RPS6KC1: variants seen among roughly 807,000 people sequenced by gnomAD.
RPS6KC1 encodes ribosomal protein S6 kinase C1.
Under a neutral mutation model 103.8 loss-of-function variants are expected in RPS6KC1, and 54 were observed. That is an observed-to-expected ratio of 0.52 (90% CI 0.42 to 0.65). The LOEUF is 0.65. Ranked by LOEUF, RPS6KC1 falls within the 30% of genes least tolerant of loss-of-function variation. RPS6KC1 has a pLI of 0.00. For missense variants in RPS6KC1, 1,151 were observed against 1,253.8 expected (o/e 0.92, Z 1.24); for synonymous variants, 439 against 438.7 (o/e 1.00, Z -0.01).
chr1:213,708,449 G>GC, the RPS6KC1 span, among the ~76,000 whole-genome samples: 1 of 152,142 alleles, frequency 6.6e-6, no homozygotes, highest in Non-Finnish European at 1.5e-5. Context: ...GAGACGATGG[G>GC]TTTTTCTAAA....
the RPS6KC1 span, among the ~76,000 whole-genome samples, chr1:213,421,155 G>A: frequency 3.3e-5 from 5 of 152,120 alleles, no homozygotes; most frequent in Admixed American, 6.6e-5. Flanking sequence ...CAGAGTTTCC[G>A]TCTTGTTGGA....
At chr1:213,803,499 G>A in the RPS6KC1 span, among the ~76,000 whole-genome samples, 89 of 152,066 alleles carry the variant, frequency 5.9e-4, no homozygotes, top group African/African-American at 1.8e-3. Flanking sequence ...CGCCCGCCTC[G>A]GCCTCCCAAA....
chr1:213,158,009 G>A (rs1015481607), intron 6 of RPS6KC1, among the ~76,000 whole-genome samples: 1 of 151,926 alleles, frequency 6.6e-6, no homozygotes, highest in Non-Finnish European at 1.5e-5. Context: ...TTTTTGCACG[G>A]TATGTTTCCA....
the RPS6KC1 span, among the ~76,000 whole-genome samples, chr1:213,705,560 C>A: frequency 2.0e-5 from 3 of 152,258 alleles, no homozygotes; most frequent in Non-Finnish European, 1.5e-5. Flanking sequence ...GGAATGCCAT[C>A]CAAGAGCCAA....
the RPS6KC1 span, among the ~76,000 whole-genome samples, chr1:213,781,769 G>A: frequency 1.3e-5 from 2 of 152,168 alleles, no homozygotes; most frequent in Non-Finnish European, 2.9e-5. Flanking sequence ...TCTTAGTTGA[G>A]GTGTGGTCAG....
chr1:213,180,865 G>A (rs1475220723), intron 8 of RPS6KC1, among the ~76,000 whole-genome samples: 2 of 152,198 alleles, frequency 1.3e-5, no homozygotes, highest in Admixed American at 6.5e-5. Context: ...TAGTTTGGTA[G>A]TAGAATGCCC....
intron 6 of RPS6KC1, among the ~76,000 whole-genome samples, chr1:213,143,473 A>G (rs965469761): frequency 6.6e-6 from 1 of 151,470 alleles, no homozygotes; most frequent in African/African-American, 2.4e-5. Flanking sequence ...TTCCTTTCTC[A>G]TTCTACTTAC....
At chr1:213,284,206 G>A in the RPS6KC1 span, among the ~76,000 whole-genome samples, 6 of 152,310 alleles carry the variant, frequency 3.9e-5, no homozygotes, top group East Asian at 1.2e-3. Context: ...CAGAAATGAA[G>A]ACTAAATTAG....
rs1442572227 is a variant in RPS6KC1, at chr1:213,117,330, A to G, written c.392A>G (p.Asn131Ser). 3.7e-6 allele frequency: 6 copies of G among 1,601,620 alleles called. No individual in the cohort carries two copies. Among genetic ancestry groups the G allele is most frequent in the Non-Finnish European group, 4.3e-6 (5 of 1,169,520 alleles). The change falls in exon 5 of 15, where the codon AAT becomes AGT. Residue 131 changes from asparagine (N) to serine (S), a missense_variant. Coordinates refer to ENST00000366960, the MANE Select transcript of RPS6KC1 (RefSeq NM_012424.6). ...TTATCTCTTTAGGGTGGAATAATTA[A>G]TGATAGTTCTGAATTAATTGGTCCT... is the stretch of plus-strand genomic sequence containing the variant. Reference protein sequence around the residue: ...LEDFFKGGIINDSSELIGPAE... With the variant: ...LEDFFKGGIISDSSELIGPAE...
the RPS6KC1 span, among the ~76,000 whole-genome samples, chr1:213,406,717 T>C: frequency 3.6e-4 from 55 of 152,290 alleles, 1 homozygote; most frequent in South Asian, 0.011. Context: ...CTCAAATACC[T>C]GACAGCCCTT....
At chr1:213,717,576 A>C in the RPS6KC1 span, among the ~76,000 whole-genome samples, 1 of 152,190 alleles carries the variant, frequency 6.6e-6, no homozygotes, top group Non-Finnish European at 1.5e-5. Flanking sequence ...CTGGGGCCAA[A>C]GTTTGAATGG....
chr1:213,059,033 A>G (rs191203356), intron 1 of RPS6KC1, among the ~76,000 whole-genome samples: 105 of 152,296 alleles, frequency 6.9e-4, no homozygotes, highest in Non-Finnish European at 7.9e-4. Context: ...AGTATTTTTA[A>G]AAATCTTGGT....
the RPS6KC1 span, among the ~76,000 whole-genome samples, chr1:213,401,868 C>T: frequency 6.6e-6 from 1 of 152,244 alleles, no homozygotes; most frequent in East Asian, 1.9e-4. Flanking sequence ...TTCATTGCAG[C>T]CTCTATCTCC....
the RPS6KC1 span, among the ~76,000 whole-genome samples, chr1:213,862,007 A>T: frequency 3.9e-5 from 6 of 152,246 alleles, no homozygotes; most frequent in South Asian, 1.2e-3. Flanking sequence ...CTCCTCAAGG[A>T]AGAGCAGGGG....
the RPS6KC1 span, among the ~76,000 whole-genome samples, chr1:213,829,464 T>C: frequency 2.3e-3 from 357 of 152,262 alleles, no homozygotes; most frequent in African/African-American, 8.2e-3. Flanking sequence ...CCTGGGTTTC[T>C]TCTCACTTTA....
At chr1:213,451,188 C>G in the RPS6KC1 span, among the ~76,000 whole-genome samples, 1 of 152,266 alleles carries the variant, frequency 6.6e-6, no homozygotes. Context: ...TGTCACATTT[C>G]TACATTTCTC....
chr1:213,311,365 C>G, the RPS6KC1 span, among the ~76,000 whole-genome samples: 50 of 152,270 alleles, frequency 3.3e-4, no homozygotes, highest in Non-Finnish European at 5.6e-4. Flanking sequence ...GTCTCGGTCT[C>G]CTGACCTTGT....
At chr1:213,375,925 C>T in the RPS6KC1 span, among the ~76,000 whole-genome samples, 2 of 152,222 alleles carry the variant, frequency 1.3e-5, no homozygotes. Context: ...GCTGTCCTAT[C>T]GTTTCTGCTG....
the RPS6KC1 span, among the ~76,000 whole-genome samples, chr1:213,756,380 T>C: frequency 2.0e-5 from 3 of 152,192 alleles, no homozygotes; most frequent in African/African-American, 4.8e-5. Flanking sequence ...AAGGCAATCC[T>C]TGTGGATTAG....
Sources: gnomAD v4.1 joint callset for allele counts (sites outside exome capture counted in the v4.1 genomes callset) on GRCh38, gnomAD v4.1.1 for gene constraint, MANE v1.5 for transcripts, NCBI Gene and HGNC (gene_info 2026-07-23, HGNC 2026-07-21) for gene names.